ZBTB21: variants seen among roughly 807,000 people sequenced by gnomAD.
The protein encoded by ZBTB21 is zinc finger and BTB domain-containing protein 21.
ZBTB21 carries 10 observed loss-of-function variants against 39.8 expected under a neutral mutation model. The observed-to-expected ratio is 0.25, with a 90% CI of 0.16 to 0.43. The LOEUF is 0.43. Among genes scored for constraint, ZBTB21 ranks in the 20% least tolerant of loss-of-function variants. The pLI is 1.00. For synonymous variants in ZBTB21, 551 were observed against 498.8 expected (o/e 1.10, Z -1.40); for missense variants, 1,221 against 1,296.3 (o/e 0.94, Z 0.89).
At chr21:41,998,848 A>T (rs1337603616) in intron 2 of ZBTB21, among the ~76,000 whole-genome samples, 1 of 152,138 alleles carries the variant, frequency 6.6e-6, no homozygotes, top group Non-Finnish European at 1.5e-5. Flanking sequence ...GTCCACAAAC[A>T]ACTACTTTGG....
At chr21:41,997,963 T>G (rs538563442) in intron 2 of ZBTB21, among the ~76,000 whole-genome samples, 1 of 152,024 alleles carries the variant, frequency 6.6e-6, no homozygotes, top group Non-Finnish European at 1.5e-5. Flanking sequence ...TGCCCTCCTC[T>G]TGCAGGGTTG....
intron 1 of ZBTB21, chr21:42,009,532 T>C (rs1202285215): frequency 6.6e-6 from 1 of 152,112 alleles, no homozygotes; most frequent in East Asian, 1.9e-4. Flanking sequence ...GCAGGGCTCC[T>C]GGCCGGCGGA....
intron 1 of ZBTB21, among the ~76,000 whole-genome samples, chr21:42,004,944 C>T (rs1413148585): frequency 2.0e-5 from 3 of 152,234 alleles, no homozygotes; most frequent in South Asian, 2.1e-4. Flanking sequence ...TCATCACTCA[C>T]TTGGTGACAA....
Position 41,993,087 on chromosome 21 carries a change from T to C in ZBTB21, c.1009A>G (p.Lys337Glu). 1.9e-6 allele frequency: 3 copies of C among 1,614,244 alleles called. No homozygotes were observed. The highest frequency in any genetic ancestry group is 4.5e-5 in the East Asian group (2 of 44,894). The change falls in exon 3 of 3, where the codon AAG becomes GAG. Residue 337 changes from lysine (K) to glutamate (E), a missense_variant. This residue lies in a region of ZBTB21 where 500 missense variants were observed against 465.6 expected (regional missense o/e 1.07). Coordinates refer to ENST00000310826, the MANE Select transcript of ZBTB21 (RefSeq NM_001098402.2). ...GACAATGACCGTCTGAGGAGACTCT[T>C]AACAAGTGGGCCACTCCTGTCAATG... ...QSIDRSGPLV[K>E]SLLRRSLSMD...
chr21:42,008,342 C>CAAAAA (rs767411984), intron 1 of ZBTB21, among the ~76,000 whole-genome samples: 736 of 54,292 alleles, frequency 0.014, 99 homozygotes, highest in Middle Eastern at 0.028. Flanking sequence ...CCCGTCTCTA[C>CAAAAA]AAAAAAAAAA....
In ZBTB21 at chr21:41,988,200, C is replaced by A. The variant is rs1348455648; in HGVS notation, c.*2695G>T. ...ACATGTTTTATGTTACTCCTTCCTT[C>A]TCCCACATAAACGATTCAGTATCAA... On this transcript the variant is annotated 3_prime_UTR_variant, in exon 3 of 3. Coordinates refer to ENST00000310826, the MANE Select transcript of ZBTB21 (RefSeq NM_001098402.2). The A allele has an allele frequency of 9.2e-5, 4 of 43,364 alleles. No individual in the cohort carries two copies. The highest frequency in any genetic ancestry group is 3.6e-4 in the African/African-American group (4 of 11,172). The allele number at this position is 43,364 out of a possible 1,614,324, so 2.7% of individuals were successfully genotyped here.
rs760266610 is a variant in ZBTB21, at chr21:41,993,230, G to C, written c.866C>G (p.Pro289Arg). 2 of 1,611,746 alleles carry C rather than the reference G, an allele frequency of 1.2e-6. No individual in the cohort carries two copies. Among genetic ancestry groups the C allele is most frequent in the Non-Finnish European group, 1.7e-6 (2 of 1,180,028 alleles). The change falls in exon 3 of 3, where the codon CCC becomes CGC. Residue 289 changes from proline to arginine, a missense_variant. Physicochemically the swap from Pro to Arg is moderately radical, Grantham distance 103. This residue lies in a region of ZBTB21 where 500 missense variants were observed against 465.6 expected (regional missense o/e 1.07). Coordinates refer to ENST00000310826, the MANE Select transcript of ZBTB21 (RefSeq NM_001098402.2). ...TTTGTTAGTTTCTTTTAATAGATAG[G>C]GAGTCTCTGATGAGCTACAAACAGA... ...VLSVCSSSETPYLLKETNKGN... is the reference protein window; with the variant it reads ...VLSVCSSSETRYLLKETNKGN...
intron 1 of ZBTB21, among the ~76,000 whole-genome samples, chr21:42,005,392 T>C (rs981546865): frequency 6.6e-6 from 1 of 152,206 alleles, no homozygotes; most frequent in Non-Finnish European, 1.5e-5. Context: ...AATAAATAAA[T>C]GAAGCTGACT....
At chr21:41,994,129 T>C in intron 2 of ZBTB21, 21 bp from the exon 3 acceptor site, 1 of 1,534,728 alleles carries the variant, frequency 6.5e-7, no homozygotes, top group South Asian at 1.3e-5. Context: ...AAATGTAAAA[T>C]TACTACAGAT....
intron 1 of ZBTB21, among the ~76,000 whole-genome samples, chr21:42,007,128 T>C (rs909532635): frequency 1.3e-4 from 20 of 152,374 alleles, no homozygotes; most frequent in African/African-American, 4.8e-4. Flanking sequence ...TGTTAGTCAT[T>C]TGTGTCTCCC....
chr21:42,006,186 G>A (rs552164744), intron 1 of ZBTB21, among the ~76,000 whole-genome samples: 213 of 152,198 alleles, frequency 1.4e-3, no homozygotes, highest in African/African-American at 4.9e-3. Context: ...AAGCCAAGGC[G>A]GGTGGATCAC....
chr21:42,009,479 G>A (rs399856), intron 1 of ZBTB21: 92,509 of 152,324 alleles, frequency 0.61, 29,304 homozygotes, highest in African/African-American at 0.72. Context: ...CGGACGGGGG[G>A]AAGGGGGCTC....
chr21:41,992,417 C>T lies in ZBTB21; in HGVS notation c.1679G>A (p.Gly560Asp). 6.2e-7 allele frequency: 1 copy of T among 1,614,002 alleles called. No homozygotes were observed. Among genetic ancestry groups the T allele is most frequent in the East Asian group, 2.2e-5 (1 of 44,898 alleles). ...GTACATGTTAACATGACGGTGAAGA[C>T]CTGCTGTTGATCTAAAGATCTTAAG... Reference protein sequence around the residue: ...HCLKIFRSTAGLHRHVNMYHN... With the variant: ...HCLKIFRSTADLHRHVNMYHN... Residue 560 changes from glycine to aspartate, a missense_variant, in exon 3 of 3, where the codon GGT becomes GAT. Gly to Asp is a moderately conservative substitution (Grantham distance 94, BLOSUM62 -1). Around this residue, in one of 4 missense-constraint regions of ZBTB21, gnomAD observed 90 missense variants for 133.1 expected, o/e 0.68. Transcript: ENST00000310826. This position sits in a 1 kb window ranked among gnomAD's most constrained non-coding sequence, Gnocchi z 4.1.
Position 41,991,781 on chromosome 21 carries a change from T to C in ZBTB21, c.2315A>G (p.Tyr772Cys), listed in dbSNP as rs764288916. 1.9e-6 allele frequency: 3 copies of C among 1,614,140 alleles called. No homozygotes were observed. Among genetic ancestry groups the C allele is most frequent in the Admixed American group, 1.7e-5 (1 of 60,010 alleles). ...LKQEHESKCE[Y>C]KKLTCLECMR... ...GCACTCGAGGCAGGTCAGCTTCTTA[T>C]ACTCACACTTGCTCTCGTGTTCTTG... The change falls in exon 3 of 3, where the codon TAT (tyrosine) becomes TGT (cysteine). Residue 772 changes from tyrosine (Y) to cysteine (C), a missense_variant. This residue lies in a region of ZBTB21 where 523 missense variants were observed against 542.5 expected (regional missense o/e 0.96). Coordinates refer to ENST00000310826, the MANE Select transcript of ZBTB21 (RefSeq NM_001098402.2). This position sits in a 1 kb window ranked among gnomAD's most constrained non-coding sequence, Gnocchi z 4.9.
In ZBTB21 at chr21:41,994,100, T is replaced by C. The variant is rs768706405; in HGVS notation, c.-5A>G. 2.6e-6 allele frequency: 4 copies of C among 1,557,866 alleles called. No individual in the cohort carries two copies. The highest frequency in any genetic ancestry group is 2.6e-6 in the Non-Finnish European group (3 of 1,154,726). On this transcript the variant is annotated 5_prime_UTR_variant, in exon 3 of 3. Coordinates refer to ENST00000310826, the MANE Select transcript of ZBTB21 (RefSeq NM_001098402.2). ...GTAATGCAGTAATCCCTCCATGGCT[T>C]GAGTTTATCTAAAAGACAAAATGTA...
chr21:42,008,759 T>C (rs1252213250), intron 1 of ZBTB21, among the ~76,000 whole-genome samples: 3 of 152,222 alleles, frequency 2.0e-5, no homozygotes, highest in Admixed American at 6.5e-5. Flanking sequence ...TGAAGCACAT[T>C]ATACTTTCAA....
At chr21:42,006,960 T>C (rs1273085205) in intron 1 of ZBTB21, among the ~76,000 whole-genome samples, 1 of 152,206 alleles carries the variant, frequency 6.6e-6, no homozygotes, top group African/African-American at 2.4e-5. Flanking sequence ...CTTCTAGCTT[T>C]CAGAACTGTG....
At chr21:41,997,914 G>C (rs1360211843) in intron 2 of ZBTB21, among the ~76,000 whole-genome samples, 1 of 152,094 alleles carries the variant, frequency 6.6e-6, no homozygotes, top group African/African-American at 2.4e-5. Context: ...TAGCCTCTCG[G>C]TGTGGCAGAT....
intron 2 of ZBTB21, among the ~76,000 whole-genome samples, chr21:41,999,835 G>A (rs970500435): frequency 2.0e-5 from 3 of 152,310 alleles, no homozygotes; most frequent in South Asian, 4.1e-4. Context: ...TAAGAAGTAA[G>A]ACCGTCTAGG....
Sources: allele counts gnomAD v4.1 joint callset (sites outside exome capture counted in the v4.1 genomes callset), GRCh38; gene constraint gnomAD v4.1.1; regional missense constraint gnomAD v4.1.1; non-coding constraint Gnocchi (gnomAD v3.1); transcripts MANE v1.5; gene names NCBI Gene and HGNC (gene_info 2026-07-23, HGNC 2026-07-21).